The following EZH2 variants were observed in gnomAD, a reference collection of about 807,000 sequenced individuals.
EZH2 encodes histone-lysine N-methyltransferase EZH2.
Under a neutral mutation model 98.4 loss-of-function variants are expected in EZH2, and 18 were observed. The ratio of observed to expected loss-of-function variants is 0.18; its 90% CI spans 0.13 to 0.27. The LOEUF is 0.27. Ranked by LOEUF, EZH2 falls within the 10% of genes least tolerant of loss-of-function variation. EZH2 has a pLI of 1.00. For synonymous variants in EZH2, 338 were observed against 312.3 expected (o/e 1.08, Z -0.87); for missense variants, 470 against 935.1 (o/e 0.50, Z 6.49).
At position 148,845,661 on chromosome 7, in the gene EZH2, TAAAAC is replaced by T. The variant is rs553947360; in HGVS notation, c.246+804_246+808del. 3.8e-3 allele frequency among the ~76,000 whole-genome samples: 578 copies of T among 152,344 alleles called. 3 individuals carry two copies. Among genetic ancestry groups the T allele is most frequent in the Non-Finnish European group, 5.6e-3 (384 of 68,020 alleles). ...ATGGCTACTCGTTGAAAAATTATCT[TAAAAC>T]AAATTCCATTGTTTAGGTGCTTCCC... On this transcript the variant is annotated intron_variant, in intron 3 of 19. Coordinates refer to ENST00000320356, the MANE Select transcript of EZH2 (RefSeq NM_004456.5).
intron 1 of EZH2, among the ~76,000 whole-genome samples, chr7:148,870,659 G>A (rs962615151): frequency 3.3e-5 from 5 of 150,192 alleles, no homozygotes; most frequent in African/African-American, 4.9e-5. Context: ...CCATCATCGT[G>A]CCACTGCACC....
intron 19 of EZH2, 28 bp downstream of exon 19, chr7:148,809,043 G>A (rs1802336458): frequency 6.3e-7 from 1 of 1,586,732 alleles, no homozygotes; most frequent in African/African-American, 1.3e-5. Context: ...AGCCCTTAGA[G>A]ATCATGCTAG....
intron 14 of EZH2, among the ~76,000 whole-genome samples, chr7:148,814,466 T>C (rs1804013863): frequency 6.6e-6 from 1 of 152,168 alleles, no homozygotes; most frequent in African/African-American, 2.4e-5. Flanking sequence ...ACTCCCTTAA[T>C]ACCCAAGCTT....
intron 15 of EZH2, among the ~76,000 whole-genome samples, chr7:148,812,131 C>T (rs938458670): frequency 6.6e-6 from 1 of 152,154 alleles, no homozygotes. Context: ...CCTCTACTTT[C>T]CCCAAGTGAT....
At chr7:148,847,811 C>G (rs889179625) in intron 1 of EZH2, among the ~76,000 whole-genome samples, 3 of 152,198 alleles carry the variant, frequency 2.0e-5, no homozygotes, top group Non-Finnish European at 4.4e-5. Context: ...AAGGTACTCT[C>G]TCCCCACACA....
At position 148,827,192 on chromosome 7, in the gene EZH2, T is replaced by C. The variant is rs1212616016; in HGVS notation, c.700A>G (p.Lys234Glu). Residue 234 changes from lysine (K) to glutamate (E), a missense_variant, in exon 7 of 20, where the codon AAG (lysine) becomes GAG (glutamate). Physicochemically the swap from Lys to Glu is moderately conservative, Grantham distance 56 (BLOSUM62 1). Around this residue, in one of 6 missense-constraint regions of EZH2, gnomAD observed 3 missense variants for 16.5 expected, o/e 0.18. Transcript: ENST00000320356. ...FEAISSMFPD[K>E]GTAEELKEKY... ...TCCTTTAGTTCTTCTGCTGTGCCCT[T>C]ATCTGGAAACATTGAGGAAATGGCT... 1 of 1,613,596 alleles carries C rather than the reference T, an allele frequency of 6.2e-7. No individual in the cohort carries two copies. Among genetic ancestry groups the C allele is most frequent in the African/African-American group, 1.3e-5 (1 of 74,922 alleles).
At chr7:148,855,275 A>G (rs77851819) in intron 1 of EZH2, among the ~76,000 whole-genome samples, 2,535 of 152,354 alleles carry the variant, frequency 0.017, 58 homozygotes, top group African/African-American at 0.057. Context: ...TTGGGGTAGC[A>G]GCACTCTCTA....
chr7:148,871,029 G>A (rs966453702), intron 1 of EZH2, among the ~76,000 whole-genome samples: 2 of 151,968 alleles, frequency 1.3e-5, no homozygotes, highest in African/African-American at 4.8e-5. Context: ...ATGGTATTGA[G>A]TTTTACATAA....
At chr7:148,810,991 A>C (rs566846070) in intron 16 of EZH2, among the ~76,000 whole-genome samples, 1 of 152,206 alleles carries the variant, frequency 6.6e-6, no homozygotes, top group East Asian at 1.9e-4. Flanking sequence ...ACAATTTAAA[A>C]GGTGAATAAC....
chr7:148,852,780 T>C (rs564704791), intron 1 of EZH2, among the ~76,000 whole-genome samples: 2 of 152,354 alleles, frequency 1.3e-5, no homozygotes, highest in South Asian at 2.1e-4. Flanking sequence ...TATTCAGTTA[T>C]ATGAGCCAAG....
intron 1 of EZH2, among the ~76,000 whole-genome samples, chr7:148,851,645 A>C (rs1815801752): frequency 6.6e-6 from 1 of 152,168 alleles, no homozygotes; most frequent in South Asian, 2.1e-4. Context: ...AGGTTGGAGG[A>C]TTGAGCCCAG....
intron 15 of EZH2, 76 bp from the exon 16 acceptor site, chr7:148,811,796 G>T: frequency 8.1e-7 from 1 of 1,237,944 alleles, no homozygotes; most frequent in Non-Finnish European, 1.2e-6. Flanking sequence ...ACTACAGAAT[G>T]AAAACAAAAG....
chr7:148,879,917 C>A (rs776819884), intron 1 of EZH2, among the ~76,000 whole-genome samples: 3 of 151,920 alleles, frequency 2.0e-5, no homozygotes, highest in Non-Finnish European at 4.4e-5. Flanking sequence ...TCAACGTGGG[C>A]AACAAAGCAG....
chr7:148,825,438 C>T (rs1807416550), intron 8 of EZH2, among the ~76,000 whole-genome samples: 1 of 152,200 alleles, frequency 6.6e-6, no homozygotes, highest in African/African-American at 2.4e-5. Flanking sequence ...AACTAAACCA[C>T]TAATATGTCA....
intron 4 of EZH2, among the ~76,000 whole-genome samples, chr7:148,831,424 A>G (rs770526022): frequency 6.6e-6 from 1 of 152,190 alleles, no homozygotes; most frequent in Non-Finnish European, 1.5e-5. Context: ...CTTTTCAATC[A>G]TATCCACATC....
intron 1 of EZH2, among the ~76,000 whole-genome samples, chr7:148,878,875 G>A (rs1006505409): frequency 2.0e-5 from 3 of 151,430 alleles, no homozygotes; most frequent in Non-Finnish European, 4.4e-5. Flanking sequence ...CTCCAGCCTG[G>A]GTGACAACAA....
chr7:148,821,088 C>T (rs1036719900), intron 8 of EZH2: 2 of 151,820 alleles, frequency 1.3e-5, no homozygotes, highest in African/African-American at 2.4e-5. Context: ...TCCCCTCCCC[C>T]GCCCAACCAA....
chr7:148,827,921 T>A (rs984007060), intron 6 of EZH2, among the ~76,000 whole-genome samples: 4 of 152,106 alleles, frequency 2.6e-5, no homozygotes, highest in African/African-American at 9.7e-5. Context: ...ATAGAGACCA[T>A]CCTGGCTAAC....
intron 1 of EZH2, among the ~76,000 whole-genome samples, chr7:148,849,012 T>C (rs889521889): frequency 1.3e-5 from 2 of 152,298 alleles, no homozygotes; most frequent in Non-Finnish European, 1.5e-5. Context: ...CCTAATACAA[T>C]GTAAATGCCA....
Sources: allele counts gnomAD v4.1 joint callset (sites outside exome capture counted in the v4.1 genomes callset), GRCh38; gene constraint gnomAD v4.1.1; regional missense constraint gnomAD v4.1.1; transcripts MANE v1.5; gene names NCBI Gene and HGNC (gene_info 2026-07-23, HGNC 2026-07-21).